ATP6V0A1: variants seen among roughly 807,000 people sequenced by gnomAD.
ATP6V0A1 encodes the protein ATPase H+ transporting V0 subunit a1.
ATP6V0A1 carries 43 observed loss-of-function variants against 105.4 expected under a neutral mutation model. That is an observed-to-expected ratio of 0.41 (90% CI 0.32 to 0.53). The LOEUF (loss-of-function observed/expected upper bound fraction) is 0.53. Among genes scored for constraint, ATP6V0A1 ranks in the 20% least tolerant of loss-of-function variants. ATP6V0A1 has a pLI of 0.30. For missense variants in ATP6V0A1, 676 were observed against 1,051.1 expected (o/e 0.64, Z 4.93); for synonymous variants, 362 against 372.8 (o/e 0.97, Z 0.33).
chr17:42,481,412 G>T (rs913183647), intron 8 of ATP6V0A1: 1 of 151,992 alleles, frequency 6.6e-6, no homozygotes, highest in Non-Finnish European at 1.5e-5. Flanking sequence ...AGTAGAGATG[G>T]GGTTTCGCCA....
intron 9 of ATP6V0A1, among the ~76,000 whole-genome samples, chr17:42,486,829 G>A (rs1206537863): frequency 1.3e-5 from 2 of 152,212 alleles, no homozygotes. Context: ...TCCCCACATA[G>A]AAAGTCGTTG....
At chr17:42,497,813 G>A (rs985248494) in intron 14 of ATP6V0A1, among the ~76,000 whole-genome samples, 10 of 149,652 alleles carry the variant, frequency 6.7e-5, no homozygotes, top group African/African-American at 1.5e-4. Context: ...CAAGGCGGGC[G>A]GATCATGAGG....
At chr17:42,502,457 C>T (rs1057478548) in intron 17 of ATP6V0A1, among the ~76,000 whole-genome samples, 5 of 152,120 alleles carry the variant, frequency 3.3e-5, no homozygotes, top group South Asian at 2.1e-4. Flanking sequence ...TATGTATATA[C>T]GTTTACTTAA....
At chr17:42,476,049 T>C (rs1416384292) in intron 5 of ATP6V0A1, among the ~76,000 whole-genome samples, 3 of 152,198 alleles carry the variant, frequency 2.0e-5, no homozygotes, top group Non-Finnish European at 4.4e-5. Context: ...TGCCAAGGGA[T>C]AAACCAAGAA....
At chr17:42,460,024 C>T (rs1189391071) in intron 1 of ATP6V0A1, among the ~76,000 whole-genome samples, 4 of 152,298 alleles carry the variant, frequency 2.6e-5, no homozygotes, top group Non-Finnish European at 5.9e-5. Flanking sequence ...CGCCAGTTGT[C>T]TCATACCCGG....
chr17:42,491,140 G>A (rs1024460783), intron 11 of ATP6V0A1, among the ~76,000 whole-genome samples: 4 of 151,982 alleles, frequency 2.6e-5, no homozygotes, highest in African/African-American at 9.7e-5. Flanking sequence ...GGACTCCTGG[G>A]CTCAAGGAAG....
intron 5 of ATP6V0A1, among the ~76,000 whole-genome samples, chr17:42,476,674 G>A (rs1184530871): frequency 6.6e-6 from 1 of 152,118 alleles, no homozygotes; most frequent in Non-Finnish European, 1.5e-5. Flanking sequence ...TCGGTAGAGA[G>A]AGGCTAGGAA....
chr17:42,500,299 C>T lies in ATP6V0A1; in HGVS notation c.1680-408C>T, dbSNP rs148595791. 2.3e-3 allele frequency among the ~76,000 whole-genome samples: 345 copies of T among 151,952 alleles called. 5 individuals carry two copies. Among genetic ancestry groups the T allele is most frequent in the Non-Finnish European group, 9.9e-4 (67 of 67,948 alleles). On this transcript the variant is annotated intron_variant, in intron 15 of 21. Coordinates refer to ENST00000343619, the MANE Select transcript of ATP6V0A1 (RefSeq NM_001130021.3). The stretch of plus-strand genomic sequence containing the variant: ...TTCAAGACCAGTCTGGGCAACATGG[C>T]AAAACCCCATCTCTACAAAAAAATG...
At chr17:42,482,073 C>T in intron 8 of ATP6V0A1, among the ~76,000 whole-genome samples, 1 of 152,146 alleles carries the variant, frequency 6.6e-6, no homozygotes, top group East Asian at 1.9e-4. Flanking sequence ...AACTCCTAAT[C>T]TCAAGCAATC....
At chr17:42,477,825 A>G (rs2088950524) in intron 6 of ATP6V0A1, 83 bp downstream of exon 6, 2 of 1,156,400 alleles carry the variant, frequency 1.7e-6, no homozygotes, top group Non-Finnish European at 1.3e-6. Context: ...CTGGGGATTC[A>G]CTTGCTACCA....
intron 5 of ATP6V0A1, among the ~76,000 whole-genome samples, chr17:42,472,710 C>A (rs1037498067): frequency 6.6e-6 from 1 of 151,878 alleles, no homozygotes; most frequent in Non-Finnish European, 1.5e-5. Context: ...GGCGAAAGAG[C>A]GAGACTCCAT....
intron 5 of ATP6V0A1, 78 bp downstream of exon 5, chr17:42,470,296 A>G: frequency 6.6e-7 from 1 of 1,523,426 alleles, no homozygotes; most frequent in African/African-American, 1.4e-5. Flanking sequence ...TATTCCAGTA[A>G]TTATTTTAAT....
intron 17 of ATP6V0A1, among the ~76,000 whole-genome samples, chr17:42,506,540 C>T (rs915483111): frequency 6.6e-6 from 1 of 152,232 alleles, no homozygotes; most frequent in Non-Finnish European, 1.5e-5. Context: ...TGCCCGAAGG[C>T]CAGGTTGCAG....
chr17:42,504,878 T>C (rs1289015429), intron 17 of ATP6V0A1, among the ~76,000 whole-genome samples: 1 of 152,228 alleles, frequency 6.6e-6, no homozygotes, highest in Non-Finnish European at 1.5e-5. Flanking sequence ...CTGACAGATA[T>C]CTGCCTGTCT....
intron 17 of ATP6V0A1, among the ~76,000 whole-genome samples, chr17:42,503,922 C>T (rs2091858679): frequency 6.6e-6 from 1 of 152,188 alleles, no homozygotes; most frequent in South Asian, 2.1e-4. Context: ...ACCTTTAGAA[C>T]ACATACTACC....
At chr17:42,514,234 G>A (rs774594536) in intron 20 of ATP6V0A1, 55 bp from the exon 21 acceptor site, 42 of 1,534,652 alleles carry the variant, frequency 2.7e-5, no homozygotes, top group Non-Finnish European at 3.7e-5. Flanking sequence ...AAAATTCATG[G>A]CCTACAGCTG....
chr17:42,488,903 T>C (rs974299574), intron 10 of ATP6V0A1, among the ~76,000 whole-genome samples: 32 of 150,584 alleles, frequency 2.1e-4, no homozygotes, highest in African/African-American at 7.8e-4. Context: ...TGATCCCAGC[T>C]ACTCAGGAGG....
chr17:42,469,996 C>T (rs1348389419), intron 4 of ATP6V0A1, 94 bp from the exon 5 acceptor site: 24 of 1,234,188 alleles, frequency 1.9e-5, no homozygotes, highest in African/African-American at 6.1e-5. Context: ...TTTGAACTAT[C>T]GGCTTGGCAA....
At position 42,495,808 on chromosome 17, in the gene ATP6V0A1, G is replaced by A. The variant is rs370979859; in HGVS notation, c.1560+92G>A. On this transcript the variant is annotated intron_variant, in intron 14 of 21. Transcript: ENST00000343619. ...TAAAATGAAGATAAATAGTTATGTG[G>A]GCTTTCACTGGGCATGGTCGCTCAT... 1.5e-5 allele frequency: 17 copies of A among 1,137,442 alleles called. 1 individual carries two copies. Among genetic ancestry groups the A allele is most frequent in the African/African-American group, 1.4e-4 (9 of 64,472 alleles). 70.5% of individuals were successfully genotyped at this position (1,137,442 alleles called of 1,614,324 possible). A position where few individuals can be genotyped will look rare whatever the true frequency, so the allele number is the denominator to read the frequency against.
Sources: gnomAD v4.1 joint callset for allele counts (sites outside exome capture counted in the v4.1 genomes callset) on GRCh38, gnomAD v4.1.1 for gene constraint, MANE v1.5 for transcripts, NCBI Gene and HGNC (gene_info 2026-07-23, HGNC 2026-07-21) for gene names.